The following DAPL1 variants were observed in gnomAD, a reference collection of about 807,000 sequenced individuals.
The protein encoded by DAPL1 is death associated protein like 1.
In DAPL1, 17 loss-of-function variants were observed where a neutral mutation model predicts 12.9. That is an observed-to-expected ratio of 1.32 (90% confidence interval 0.90 to 1.98). DAPL1 has a LOEUF of 1.98. DAPL1 is among the 30% of genes most tolerant of loss of function. DAPL1 has a pLI of 0.00. For synonymous variants in DAPL1, 51 were observed against 42.0 expected (o/e 1.21, Z -0.82); for missense variants, 157 against 125.7 (o/e 1.25, Z -1.19).
chr2:158,806,785 G>A (rs761740298), intron 2 of DAPL1, among the ~76,000 whole-genome samples: 3 of 151,670 alleles, frequency 2.0e-5, no homozygotes, highest in Non-Finnish European at 2.9e-5. Flanking sequence ...GCAGTGAGCC[G>A]AGATCATACC....
intron 1 of DAPL1, 40 bp from the exon 2 acceptor site, chr2:158,804,242 C>T: frequency 2.2e-6 from 3 of 1,390,330 alleles, no homozygotes; most frequent in South Asian, 1.3e-5. Context: ...AGCCTTCTCT[C>T]ACTGTTCTAA....
chr2:158,813,769 A>G (rs1397705005), intron 3 of DAPL1, among the ~76,000 whole-genome samples: 1 of 151,964 alleles, frequency 6.6e-6, no homozygotes, highest in South Asian at 2.1e-4. Context: ...GTTAGCCAGG[A>G]TGGTCTCGAT....
chr2:158,796,658 C>T (rs1000582885), intron 1 of DAPL1, among the ~76,000 whole-genome samples: 3 of 152,212 alleles, frequency 2.0e-5, no homozygotes, highest in East Asian at 3.8e-4. Context: ...GTTGTTTCCA[C>T]TCCAACCCTT....
intron 1 of DAPL1, 67 bp from the exon 2 acceptor site, chr2:158,804,215 C>T (rs866454662): frequency 1.9e-6 from 2 of 1,043,516 alleles, no homozygotes; most frequent in Middle Eastern, 2.5e-4. Flanking sequence ...TAAAGTCATA[C>T]CTTTAATAAC....
At chr2:158,797,431 C>T (rs2059140207) in intron 1 of DAPL1, among the ~76,000 whole-genome samples, 1 of 152,152 alleles carries the variant, frequency 6.6e-6, no homozygotes, top group Admixed American at 6.6e-5. Flanking sequence ...TTAGACACTA[C>T]TGCAGTAGTT....
chr2:158,812,383 G>A (rs1018071516), intron 3 of DAPL1, among the ~76,000 whole-genome samples: 5 of 152,152 alleles, frequency 3.3e-5, no homozygotes, highest in Admixed American at 2.0e-4. Context: ...TTAGAACTTC[G>A]GTTGAATGCC....
intron 2 of DAPL1, 107 bp downstream of exon 2, chr2:158,804,476 C>G (rs2059188660): frequency 1.4e-6 from 1 of 726,302 alleles, no homozygotes; most frequent in Non-Finnish European, 2.2e-6. Context: ...TGGAGGCAGC[C>G]AGAGAAGGGG....
intron 1 of DAPL1, among the ~76,000 whole-genome samples, chr2:158,795,818 G>A (rs1323031065): frequency 1.3e-5 from 2 of 152,154 alleles, no homozygotes; most frequent in Non-Finnish European, 2.9e-5. Flanking sequence ...CTCTTTAGAG[G>A]TTCCAGCTGT....
At chr2:158,810,537 T>C (rs2059224684) in intron 3 of DAPL1, among the ~76,000 whole-genome samples, 1 of 152,216 alleles carries the variant, frequency 6.6e-6, no homozygotes, top group Non-Finnish European at 1.5e-5. Flanking sequence ...AATTCCTACT[T>C]CAAAATCAAC....
chr2:158,796,683 G>C (rs962431977), intron 1 of DAPL1, among the ~76,000 whole-genome samples: 3 of 152,140 alleles, frequency 2.0e-5, no homozygotes, highest in Non-Finnish European at 1.5e-5. Flanking sequence ...AAATGGCTAA[G>C]ATGAAACCTG....
intron 1 of DAPL1, among the ~76,000 whole-genome samples, chr2:158,801,409 C>T (rs2059166860): frequency 6.6e-6 from 1 of 152,194 alleles, no homozygotes; most frequent in Non-Finnish European, 1.5e-5. Flanking sequence ...CACCATCTCC[C>T]ATACAGAGGC....
At chr2:158,802,279 G>C (rs1206533199) in intron 1 of DAPL1, among the ~76,000 whole-genome samples, 2 of 152,190 alleles carry the variant, frequency 1.3e-5, no homozygotes, top group Non-Finnish European at 2.9e-5. Context: ...AGGTATGCTT[G>C]TATTTGTGCA....
Position 158,806,751 on chromosome 2 carries a change from G to T in DAPL1, c.147-304G>T, listed in dbSNP as rs188804894. Among the ~76,000 whole-genome samples, 5 of 151,860 alleles carry T rather than the reference G, an allele frequency of 3.3e-5. 1 individual carries two copies. Among genetic ancestry groups the T allele is most frequent in the Admixed American group, 6.6e-5 (1 of 15,254 alleles). On this transcript the variant is annotated intron_variant, in intron 2 of 3. Coordinates refer to ENST00000309950, the MANE Select transcript of DAPL1 (RefSeq NM_001017920.3). ...CTTGGGAGGCTGAGGCAGAAGAATC[G>T]CTTGAACCCAGGAGGCAGAGGTTGC...
intron 1 of DAPL1, among the ~76,000 whole-genome samples, chr2:158,800,419 A>G (rs2105148820): frequency 6.6e-6 from 1 of 152,332 alleles, no homozygotes; most frequent in South Asian, 2.1e-4. Flanking sequence ...CTGGAACCAC[A>G]TAAAATAAAT....
At position 158,815,708 on chromosome 2, in the gene DAPL1, A is replaced by T; in HGVS notation, c.211A>T (p.Asn71Tyr). Residue 71 changes from asparagine (N) to tyrosine (Y), a missense_variant, in exon 4 of 4, where the codon AAC (asparagine) becomes TAC (tyrosine). Transcript: ENST00000309950. ...DALNDALEKL[N>Y]YKFPATVHMA... ...TTTCTTCCCTTCTCACCTTTAGCTC[A>T]ACTATAAATTTCCAGCAACAGTGCA... 6.2e-7 allele frequency: 1 copy of T among 1,607,518 alleles called. No homozygotes were observed. Among genetic ancestry groups the T allele is most frequent in the Non-Finnish European group, 8.5e-7 (1 of 1,173,876 alleles).
chr2:158,796,915 A>G (rs1246475287), intron 1 of DAPL1, among the ~76,000 whole-genome samples: 3 of 152,236 alleles, frequency 2.0e-5, no homozygotes, highest in African/African-American at 7.2e-5. Flanking sequence ...TTGGATAATT[A>G]GAATGGAGAT....
intron 2 of DAPL1, among the ~76,000 whole-genome samples, chr2:158,805,167 A>C (rs1471838015): frequency 3.3e-5 from 5 of 152,264 alleles, no homozygotes; most frequent in Non-Finnish European, 5.9e-5. Context: ...CATATCAGAA[A>C]GAGAATGGAA....
In DAPL1 at chr2:158,804,375, G is replaced by A. The variant is rs748758759; in HGVS notation, c.146+6G>A. On this transcript the variant is annotated splice_donor_region_variant and intron_variant, in intron 2 of 3. Coordinates refer to ENST00000309950, the MANE Select transcript of DAPL1 (RefSeq NM_001017920.3). ...ACAGGATTCGAGAAAACAAGGTAGG[G>A]ACTCTTAATTTTTCTCCATCACCTT... 2 of 1,597,704 alleles carry A rather than the reference G, an allele frequency of 1.3e-6. No individual in the cohort carries two copies. The highest frequency in any genetic ancestry group is 1.7e-5 in the Admixed American group (1 of 58,548).
intron 1 of DAPL1, among the ~76,000 whole-genome samples, chr2:158,802,028 GA>G (rs2059170467): frequency 1.3e-5 from 2 of 152,158 alleles, no homozygotes; most frequent in Non-Finnish European, 2.9e-5. Flanking sequence ...TAAAACATGA[GA>G]AATGAGAATT....
Sources: allele counts gnomAD v4.1 joint callset (sites outside exome capture counted in the v4.1 genomes callset), GRCh38; gene constraint gnomAD v4.1.1; transcripts MANE v1.5; gene names NCBI Gene and HGNC (gene_info 2026-07-23, HGNC 2026-07-21).